The following CFAP43 variants were observed in gnomAD, a reference collection of about 807,000 sequenced individuals.
CFAP43 encodes the protein cilia and flagella associated protein 43.
A neutral mutation model predicts 218.9 loss-of-function variants in CFAP43; 155 were observed. That is an observed-to-expected ratio of 0.71 (90% CI 0.62 to 0.81). The LOEUF (loss-of-function observed/expected upper bound fraction) is 0.81, where lower values mean the gene tolerates loss of function less well. Among genes scored for constraint, CFAP43 ranks in the 30% least tolerant of loss-of-function variants. CFAP43 has a pLI of 0.00. For missense variants in CFAP43, 1,778 were observed against 1,954.3 expected (o/e 0.91, Z 1.70); for synonymous variants, 645 against 681.3 (o/e 0.95, Z 0.83).
At chr10:104,221,797 G>C (rs1169825758) in intron 3 of CFAP43, among the ~76,000 whole-genome samples, 1 of 151,986 alleles carries the variant, frequency 6.6e-6, no homozygotes, top group Non-Finnish European at 1.5e-5. Context: ...TTAAAATGAG[G>C]ACCATCATAG....
At chr10:104,162,945 A>G (rs1435890722) in intron 24 of CFAP43, among the ~76,000 whole-genome samples, 1 of 152,182 alleles carries the variant, frequency 6.6e-6, no homozygotes, top group African/African-American at 2.4e-5. Context: ...TCCTAAATGT[A>G]GGATGGACTA....
chr10:104,212,037 C>G lies in CFAP43; in HGVS notation c.705G>C (p.Gly235=). The G allele has an allele frequency of 6.2e-7, 1 of 1,613,536 alleles. No individual in the cohort carries two copies. The highest frequency in any genetic ancestry group is 8.5e-7 in the Non-Finnish European group (1 of 1,179,664). Residue 235 remains glycine (G), a synonymous_variant, in exon 5 of 38, where the codon GGG becomes GGC. Transcript: ENST00000357060. ...GPVLPLSAIA[G]LVGKEAETFR... ...AAGTCTCTGCCTCTTTGCCTACCAG[C>G]CCGGCAATGGCTGACAGTGGCAGCA...
rs368805180 is a variant in CFAP43 at position 104,136,122 on chromosome 10, C to T, written c.4432-2338G>A. On this transcript the variant is annotated intron_variant, in intron 34 of 37. Transcript: ENST00000357060. ...AAAATTAGCTGGGCATGGTGGTGGGCGCCTGTAAATCCCAGCTACTCAGGA... is the reference window on the plus strand; with the variant it reads ...AAAATTAGCTGGGCATGGTGGTGGGTGCCTGTAAATCCCAGCTACTCAGGA... Among the ~76,000 whole-genome samples, 68 of 151,240 alleles carry T rather than the reference C, an allele frequency of 4.5e-4. 2 individuals are homozygous for T. The highest frequency in any genetic ancestry group is 1.4e-3 in the African/African-American group (59 of 41,332).
intron 30 of CFAP43, among the ~76,000 whole-genome samples, chr10:104,145,890 T>G (rs903693478): frequency 1.3e-5 from 2 of 152,252 alleles, no homozygotes; most frequent in East Asian, 3.8e-4. Context: ...TATTCCATTC[T>G]GTTCCATCTG....
intron 11 of CFAP43, chr10:104,193,130 C>T (rs1038835678): frequency 9.9e-5 from 15 of 152,164 alleles, no homozygotes; most frequent in Admixed American, 3.9e-4. Context: ...ATAGCACCTA[C>T]AAGTCCAAAT....
intron 7 of CFAP43, among the ~76,000 whole-genome samples, chr10:104,204,833 A>G (rs954997993): frequency 4.6e-5 from 7 of 152,346 alleles, no homozygotes; most frequent in Non-Finnish European, 8.8e-5. Flanking sequence ...CTATGCTAAC[A>G]TCTGGGATAG....
chr10:104,158,016 G>A (rs1426627995), intron 27 of CFAP43, among the ~76,000 whole-genome samples: 1 of 152,086 alleles, frequency 6.6e-6, no homozygotes, highest in Non-Finnish European at 1.5e-5. Context: ...ACAACTTGAA[G>A]AAGCTCCGAA....
rs540922794 is a variant in CFAP43, at chr10:104,193,420, A to G, written c.1442+446T>C. The G allele has an allele frequency of 2.0e-5, 3 of 153,020 alleles. No individual in the cohort carries two copies. The South Asian group carries it at 6.2e-4, about 31-fold the overall frequency. The allele number at this position is 153,020 out of a possible 1,614,324, so 9.5% of individuals were successfully genotyped here. A position where few individuals can be genotyped will look rare whatever the true frequency, so the allele number is the denominator to read the frequency against. On this transcript the variant is annotated intron_variant, in intron 11 of 37. Transcript: ENST00000357060. ...CCCAACTACCTGGGTTCAAATCCCAACATTTGCCATTCACTATCTGTGTAC... is the reference window on the plus strand; with the variant it reads ...CCCAACTACCTGGGTTCAAATCCCAGCATTTGCCATTCACTATCTGTGTAC...
intron 8 of CFAP43, among the ~76,000 whole-genome samples, chr10:104,202,174 A>C (rs1046729876): frequency 6.6e-6 from 1 of 152,240 alleles, no homozygotes; most frequent in African/African-American, 2.4e-5. Context: ...CCATGGAGCC[A>C]CAATTTGCTG....
In CFAP43 at chr10:104,134,862, C is replaced by T. The variant is rs962932090; in HGVS notation, c.4432-1078G>A. Among the ~76,000 whole-genome samples the T allele has an allele frequency of 1.4e-4, 21 of 152,208 alleles. 1 individual carries two copies. The highest frequency in any genetic ancestry group is 5.1e-4 in the African/African-American group (21 of 41,526). ...CCAAAAAATAGAAGAGGAGGGAACA[C>T]TTTCTAATATATTATATGAGGCCAG... On this transcript the variant is annotated intron_variant, in intron 34 of 37. Transcript: ENST00000357060.
rs143086662 is a variant in CFAP43, at chr10:104,167,631, T to C, written c.2798A>G (p.Glu933Gly). 6.2e-7 allele frequency: 1 copy of C among 1,607,710 alleles called. No homozygotes were observed. The highest frequency in any genetic ancestry group is 8.5e-7 in the Non-Finnish European group (1 of 1,178,236). Reference sequence around the variant, plus strand: ...TATTTAAAATAGTACTTTAAGACACTCTGCTTCAATCTTCTTTTGCTGTAA... The same window carrying C: ...TATTTAAAATAGTACTTTAAGACACCCTGCTTCAATCTTCTTTTGCTGTAA... The part of the protein sequence containing the change: ...RVLQQKKIEA[E>G]CLKLRKEIVE... The change falls in exon 22 of 38, where the codon GAG becomes GGG. Residue 933 changes from glutamate to glycine, a missense_variant. By Grantham distance (98) the Glu-to-Gly change is moderately conservative (BLOSUM62 -2). Around this residue, in one of 3 missense-constraint regions of CFAP43, gnomAD observed 1,553 missense variants for 1,685.2 expected, o/e 0.92. Transcript: ENST00000357060.
At chr10:104,187,286 AG>A (rs2090060721) in intron 14 of CFAP43, 33 bp downstream of exon 14, 1 of 1,548,872 alleles carries the variant, frequency 6.5e-7, no homozygotes, top group African/African-American at 1.4e-5. Flanking sequence ...TTGATTGCTA[AG>A]ATAAATGAGA....
At chr10:104,168,337 G>A (rs1306880268) in intron 21 of CFAP43, among the ~76,000 whole-genome samples, 2 of 152,178 alleles carry the variant, frequency 1.3e-5, no homozygotes, top group African/African-American at 4.8e-5. Flanking sequence ...CACAAAGAGG[G>A]AAATTACATT....
chr10:104,158,111 G>A (rs915357899), intron 27 of CFAP43, among the ~76,000 whole-genome samples: 11 of 152,102 alleles, frequency 7.2e-5, no homozygotes, highest in Non-Finnish European at 1.2e-4. Context: ...CAGAGGAAAA[G>A]CTCTTCTTTG....
At chr10:104,228,246 C>T (rs1357094782) in intron 2 of CFAP43, among the ~76,000 whole-genome samples, 2 of 152,034 alleles carry the variant, frequency 1.3e-5, no homozygotes, top group Non-Finnish European at 2.9e-5. Context: ...TTAAAATATG[C>T]AGTTTTCTTA....
intron 17 of CFAP43, among the ~76,000 whole-genome samples, chr10:104,181,269 A>G (rs765339278): frequency 9.9e-5 from 15 of 151,938 alleles, no homozygotes; most frequent in Non-Finnish European, 1.6e-4. Flanking sequence ...TCTATGTCCA[A>G]TTCATCAGTG....
intron 27 of CFAP43, among the ~76,000 whole-genome samples, chr10:104,160,647 G>A (rs1053999702): frequency 6.6e-6 from 1 of 152,146 alleles, no homozygotes; most frequent in Non-Finnish European, 1.5e-5. Context: ...CCTTTTTCCT[G>A]AGATGGAGAA....
chr10:104,231,921 G>A (rs1488322796), intron 1 of CFAP43, among the ~76,000 whole-genome samples: 1 of 151,874 alleles, frequency 6.6e-6, no homozygotes, highest in African/African-American at 2.4e-5. Context: ...ACGTTGCTGG[G>A]TAAGAGACGG....
intron 5 of CFAP43, among the ~76,000 whole-genome samples, chr10:104,210,783 CTTTTTT>C (rs68153454): frequency 2.8e-4 from 21 of 75,460 alleles, no homozygotes; most frequent in African/African-American, 9.8e-4. Flanking sequence ...GTGAAACACT[CTTTTTT>C]TTTTTTTTTT....
Sources: allele counts gnomAD v4.1 joint callset (sites outside exome capture counted in the v4.1 genomes callset), GRCh38; gene constraint gnomAD v4.1.1; regional missense constraint gnomAD v4.1.1; transcripts MANE v1.5; gene names NCBI Gene and HGNC (gene_info 2026-07-23, HGNC 2026-07-21).